ZDHHC14: variants seen among roughly 807,000 people sequenced by gnomAD.
ZDHHC14 encodes the protein zDHHC palmitoyltransferase 14.
A neutral mutation model predicts 47.7 loss-of-function variants in ZDHHC14; 16 were observed. The ratio of observed to expected loss-of-function variants is 0.34; its 90% CI spans 0.23 to 0.51. ZDHHC14 has a LOEUF of 0.51. Among genes scored for constraint, ZDHHC14 ranks in the 20% least tolerant of loss-of-function variants. The pLI, the probability that ZDHHC14 is intolerant of heterozygous loss-of-function variation, is 0.97. For missense variants in ZDHHC14, 515 were observed against 662.5 expected (o/e 0.78, Z 2.44); for synonymous variants, 293 against 278.9 (o/e 1.05, Z -0.50).
At chr6:157,617,310 A>G (rs537023664) in intron 3 of ZDHHC14, among the ~76,000 whole-genome samples, 20 of 152,328 alleles carry the variant, frequency 1.3e-4, no homozygotes, top group Non-Finnish European at 2.6e-4. Context: ...CTTAACAATA[A>G]TAGTAACGAG....
Position 157,628,331 on chromosome 6 carries a change from T to C in ZDHHC14, c.566-18T>C. On this transcript the variant is annotated intron_variant, in intron 3 of 8. Transcript: ENST00000359775. Reference sequence around the variant, plus strand: ...TAATTGATTTCCACTTTTTTTTTTTTTCTGCCTCTCATTTCAGAACGGTTT... The same window carrying C: ...TAATTGATTTCCACTTTTTTTTTTTCTCTGCCTCTCATTTCAGAACGGTTT... 6.3e-7 allele frequency: 1 copy of C among 1,577,396 alleles called. No individual in the cohort carries two copies.
At position 157,677,927 on chromosome 6, in the gene ZDHHC14, CG is replaced by C. The variant is rs1778996883; in HGVS notation, c.*4806del. 8.0e-6 allele frequency: 1 copy of C among 124,804 alleles called. No individual in the cohort carries two copies. Among genetic ancestry groups the C allele is most frequent in the African/African-American group, 3.2e-5 (1 of 31,212 alleles). 7.7% of individuals were successfully genotyped at this position (124,804 alleles called of 1,614,324 possible). On this transcript the variant is annotated 3_prime_UTR_variant, in exon 9 of 9. Transcript: ENST00000359775. ...TCTGGGTTGATATTTCACAGTCAAA[CG>C]TTTTGGCATGGAAAAAAAAAAAAGC...
At chr6:157,624,399 A>G (rs1288758568) in intron 3 of ZDHHC14, among the ~76,000 whole-genome samples, 1 of 152,238 alleles carries the variant, frequency 6.6e-6, no homozygotes, top group African/African-American at 2.4e-5. Flanking sequence ...GCTACCAACA[A>G]TGGCAATCAA....
chr6:157,399,735 G>A (rs193283806), intron 1 of ZDHHC14, among the ~76,000 whole-genome samples: 11 of 152,352 alleles, frequency 7.2e-5, no homozygotes, highest in South Asian at 2.1e-4. Flanking sequence ...TTGGGAGACC[G>A]TACGTGATCT....
At chr6:157,462,780 C>G (rs924408759) in intron 1 of ZDHHC14, among the ~76,000 whole-genome samples, 1 of 152,266 alleles carries the variant, frequency 6.6e-6, no homozygotes, top group Admixed American at 6.5e-5. Flanking sequence ...CAGTGCCCCC[C>G]AGCCCTGGAG....
chr6:157,446,652 C>A (rs74768119), intron 1 of ZDHHC14, among the ~76,000 whole-genome samples: 1 of 151,828 alleles, frequency 6.6e-6, no homozygotes, highest in Non-Finnish European at 1.5e-5. Flanking sequence ...TCAGGTGATC[C>A]ACCCGCCTCA....
At chr6:157,585,034 G>A (rs201732040) in intron 2 of ZDHHC14, among the ~76,000 whole-genome samples, 5 of 151,864 alleles carry the variant, frequency 3.3e-5, no homozygotes, top group African/African-American at 7.3e-5. Context: ...GCAAAACCCC[G>A]TCTCTACTAA....
At chr6:157,439,090 GTTCCC>G (rs1778507466) in intron 1 of ZDHHC14, among the ~76,000 whole-genome samples, 2 of 152,210 alleles carry the variant, frequency 1.3e-5, no homozygotes, top group Admixed American at 1.3e-4. Context: ...GTTTGGTACA[GTTCCC>G]CATCCAGAGA....
rs181221350 is a variant in ZDHHC14, at chr6:157,427,968, T to G, written c.245+45702T>G. Among the ~76,000 whole-genome samples, 49 of 152,264 alleles carry G rather than the reference T, an allele frequency of 3.2e-4. No homozygotes were observed. Among genetic ancestry groups the G allele is most frequent in the Non-Finnish European group, 6.0e-4 (41 of 68,016 alleles). On this transcript the variant is annotated intron_variant, in intron 1 of 8. Transcript: ENST00000359775. This position sits in a 1 kb window ranked among gnomAD's most constrained non-coding sequence, Gnocchi z 4.4. ...GGGCTCCTGGAGGGCTGTTCTGTCA[T>G]TGATATGTGCTGTGTTCACTTATCC...
At chr6:157,450,078 G>A (rs1036292183) in intron 1 of ZDHHC14, among the ~76,000 whole-genome samples, 5 of 151,996 alleles carry the variant, frequency 3.3e-5, no homozygotes, top group Admixed American at 6.6e-5. Context: ...TAAATATGGT[G>A]ATTATTTAGG....
intron 3 of ZDHHC14, among the ~76,000 whole-genome samples, chr6:157,593,857 T>C (rs1438264999): frequency 1.3e-5 from 2 of 152,168 alleles, no homozygotes; most frequent in African/African-American, 2.4e-5. Context: ...CCCTCTTCTC[T>C]CTGTGGCTGG....
At chr6:157,430,264 C>T (rs543063857) in intron 1 of ZDHHC14, among the ~76,000 whole-genome samples, 5 of 142,360 alleles carry the variant, frequency 3.5e-5, no homozygotes, top group East Asian at 2.0e-4. Context: ...TGCAGTGAGC[C>T]GACAGTGTGA....
In ZDHHC14 at chr6:157,382,124, G is replaced by T. The variant is rs1264436452; in HGVS notation, c.103G>T (p.Ala35Ser). Residue 35 changes from alanine to serine, a missense_variant, in exon 1 of 9, where the codon GCG (alanine) becomes TCG (serine). This residue lies in a region of ZDHHC14 where 59 missense variants were observed against 57.7 expected (regional missense o/e 1.02). Coordinates refer to ENST00000359775, the MANE Select transcript of ZDHHC14 (RefSeq NM_024630.3). ...GTCGCCCCACAAGAAGAAGAAAATC[G>T]CGGCCCGGAGGAAATGGGAGGTGTT... Reference protein sequence around the residue: ...MESPHKKKKIAARRKWEVFPG... With the variant: ...MESPHKKKKISARRKWEVFPG... 3 of 1,613,382 alleles carry T rather than the reference G, an allele frequency of 1.9e-6. No individual in the cohort carries two copies. Among genetic ancestry groups the T allele is most frequent in the Non-Finnish European group, 1.7e-6 (2 of 1,179,728 alleles).
intron 1 of ZDHHC14, among the ~76,000 whole-genome samples, chr6:157,438,792 A>C (rs1485615686): frequency 6.6e-6 from 1 of 152,258 alleles, no homozygotes. Flanking sequence ...TCAGGATGTT[A>C]GAGTACTATT....
intron 8 of ZDHHC14, among the ~76,000 whole-genome samples, chr6:157,654,402 G>A (rs893404758): frequency 6.6e-6 from 1 of 152,168 alleles, no homozygotes; most frequent in Non-Finnish European, 1.5e-5. Flanking sequence ...AAAGTTAGAA[G>A]TTCCATGTTT....
chr6:157,576,901 A>G (rs1201226691), intron 2 of ZDHHC14, among the ~76,000 whole-genome samples: 1 of 152,192 alleles, frequency 6.6e-6, no homozygotes, highest in Admixed American at 6.5e-5. Flanking sequence ...TCAGGGGTAC[A>G]TGTGCAGGTT....
chr6:157,585,246 C>T (rs1002535137), intron 2 of ZDHHC14, among the ~76,000 whole-genome samples: 1 of 151,998 alleles, frequency 6.6e-6, no homozygotes, highest in African/African-American at 2.4e-5. Flanking sequence ...GACTCATATA[C>T]ACTTGCCTAA....
intron 1 of ZDHHC14, among the ~76,000 whole-genome samples, chr6:157,407,259 C>T (rs1018307825): frequency 6.6e-6 from 1 of 152,136 alleles, no homozygotes; most frequent in African/African-American, 2.4e-5. Flanking sequence ...CACACCAGGC[C>T]ACCCTGTAGC....
chr6:157,411,743 T>C (rs1777873464), intron 1 of ZDHHC14, among the ~76,000 whole-genome samples: 1 of 133,850 alleles, frequency 7.5e-6, no homozygotes, highest in Admixed American at 8.1e-5. Context: ...CCTTCCTGCA[T>C]GTTCATGGTA....
Sources: allele counts gnomAD v4.1 joint callset (sites outside exome capture counted in the v4.1 genomes callset), GRCh38; gene constraint gnomAD v4.1.1; regional missense constraint gnomAD v4.1.1; non-coding constraint Gnocchi (gnomAD v3.1); transcripts MANE v1.5; gene names NCBI Gene and HGNC (gene_info 2026-07-23, HGNC 2026-07-21).